Variants in CEP128 observed in about 807,000 individuals in gnomAD.
CEP128 encodes the protein centrosomal protein 128.
Under a neutral mutation model 156.7 loss-of-function variants are expected in CEP128, and 132 were observed. The observed-to-expected ratio is 0.84, with a 90% CI of 0.73 to 0.97. The LOEUF is 0.97. Among genes scored for constraint, CEP128 ranks in the 50% least tolerant of loss-of-function variants. The pLI is 0.00. For synonymous variants in CEP128, 469 were observed against 448.9 expected (o/e 1.04, Z -0.57); for missense variants, 1,252 against 1,281.9 (o/e 0.98, Z 0.36).
At chr14:80,625,837 CTTTT>C (rs1334203492) in intron 19 of CEP128, among the ~76,000 whole-genome samples, 1 of 140,394 alleles carries the variant, frequency 7.1e-6, no homozygotes, top group African/African-American at 2.6e-5. Flanking sequence ...TCCCTTCTTT[CTTTT>C]TTCTCTTTCT....
rs771355760 is a variant in CEP128 at position 80,784,987 on chromosome 14, C to T, written c.2119G>A (p.Val707Met). 6.2e-7 allele frequency: 1 copy of T among 1,614,034 alleles called. No individual in the cohort carries two copies. The highest frequency in any genetic ancestry group is 1.3e-5 in the African/African-American group (1 of 74,926). Reference protein sequence around the residue: ...LKDLTSSLQSVKTKHEQNIQE... With the variant: ...LKDLTSSLQSMKTKHEQNIQE... ...ATATTCTGTTCGTGTTTTGTTTTCA[C>T]ACTCTGCAATGATGATGTGAGATCT... Residue 707 changes from valine to methionine, a missense_variant, in exon 15 of 25, where the codon GTG becomes ATG. Transcript: ENST00000555265.
At chr14:80,754,367 C>T (rs1432238661) in intron 18 of CEP128, among the ~76,000 whole-genome samples, 1 of 151,904 alleles carries the variant, frequency 6.6e-6, no homozygotes, top group Non-Finnish European at 1.5e-5. Flanking sequence ...TCCATGGCAG[C>T]TTCTGCATAC....
intron 9 of CEP128, among the ~76,000 whole-genome samples, chr14:80,851,172 C>A (rs1353385119): frequency 6.6e-6 from 1 of 152,076 alleles, no homozygotes; most frequent in Non-Finnish European, 1.5e-5. Flanking sequence ...GTGTGATAAA[C>A]CCTGTACTAC....
chr14:80,533,068 T>C (rs1889303544), intron 21 of CEP128, among the ~76,000 whole-genome samples: 1 of 152,196 alleles, frequency 6.6e-6, no homozygotes, highest in Non-Finnish European at 1.5e-5. Flanking sequence ...AATTTTTTCA[T>C]GTGTAGGAAA....
chr14:80,826,357 C>G, intron 13 of CEP128, among the ~76,000 whole-genome samples: 1 of 151,972 alleles, frequency 6.6e-6, no homozygotes, highest in Admixed American at 6.6e-5. Flanking sequence ...GCATATTTTA[C>G]AATATGCACT....
At chr14:80,758,577 A>G (rs1387365644) in intron 17 of CEP128, among the ~76,000 whole-genome samples, 1 of 151,994 alleles carries the variant, frequency 6.6e-6, no homozygotes, top group Non-Finnish European at 1.5e-5. Context: ...TGTCTGGGAC[A>G]GAGAACACAA....
chr14:80,855,371 CT>C (rs1887096124), intron 9 of CEP128, among the ~76,000 whole-genome samples: 1 of 152,136 alleles, frequency 6.6e-6, no homozygotes. Context: ...TTGTGTTTGA[CT>C]TTTAAACTTT....
Position 80,857,734 on chromosome 14 carries a change from C to CA in CEP128, c.762+5022dup, listed in dbSNP as rs746111217. Among the ~76,000 whole-genome samples, 521 of 83,118 alleles carry CA rather than the reference C, an allele frequency of 6.3e-3. 6 individuals are homozygous for CA. The highest frequency in any genetic ancestry group is 0.021 in the African/African-American group (432 of 20,644). 54.5% of individuals were successfully genotyped at this position (83,118 alleles called of 152,430 possible). ...CCTGGGCAACAGAGTGACCCCATCT[C>CA]AAAAAAAAACAACAACAACAACAAC... On this transcript the variant is annotated intron_variant, in intron 9 of 24. Coordinates refer to ENST00000555265, the MANE Select transcript of CEP128 (RefSeq NM_152446.5).
At chr14:80,871,076 A>C (rs1034948203) in intron 8 of CEP128, among the ~76,000 whole-genome samples, 3 of 152,092 alleles carry the variant, frequency 2.0e-5, no homozygotes, top group Non-Finnish European at 4.4e-5. Context: ...GGAAGTCAGC[A>C]ATGTAAAATC....
intron 6 of CEP128, among the ~76,000 whole-genome samples, chr14:80,491,286 A>AGAATGAACCTTGGCCAGCAGCAT (rs1303579785): frequency 6.6e-6 from 1 of 152,224 alleles, no homozygotes; most frequent in African/African-American, 2.4e-5. Context: ...GTCAAAGCAC[A>AGAATGAACCTTGGCCAGCAGCAT]GAATGAACCT....
chr14:80,559,683 T>C (rs189244758), intron 20 of CEP128, among the ~76,000 whole-genome samples: 1 of 152,330 alleles, frequency 6.6e-6, no homozygotes, highest in African/African-American at 2.4e-5. Flanking sequence ...AAGCACATAT[T>C]CTAGCTCTTA....
At chr14:80,506,012 A>G (rs1004386164) in intron 23 of CEP128, among the ~76,000 whole-genome samples, 3 of 152,240 alleles carry the variant, frequency 2.0e-5, no homozygotes, top group Admixed American at 2.0e-4. Context: ...AAAACAGGTA[A>G]TAACAGGAAG....
At chr14:80,753,905 C>T (rs1595349544) in intron 18 of CEP128, among the ~76,000 whole-genome samples, 1 of 152,176 alleles carries the variant, frequency 6.6e-6, no homozygotes, top group African/African-American at 2.4e-5. Flanking sequence ...CAAAATTACT[C>T]CAGTCTGTCC....
intron 19 of CEP128, among the ~76,000 whole-genome samples, chr14:80,705,055 T>C (rs937763833): frequency 4.6e-5 from 7 of 152,004 alleles, no homozygotes; most frequent in African/African-American, 1.7e-4. Context: ...TAAAATAAAA[T>C]TATTCTTATA....
intron 18 of CEP128, among the ~76,000 whole-genome samples, chr14:80,756,586 T>C (rs1205336063): frequency 1.3e-5 from 2 of 152,154 alleles, no homozygotes; most frequent in African/African-American, 2.4e-5. Flanking sequence ...GCACAAACAA[T>C]AGAATTAGCT....
chr14:80,530,937 C>G (rs1406951410), intron 21 of CEP128, 51 bp from the exon 22 acceptor site: 2 of 1,192,154 alleles, frequency 1.7e-6, no homozygotes, highest in Non-Finnish European at 2.4e-6. Context: ...TTGATTAATA[C>G]TCTCAGAATC....
intron 6 of CEP128, among the ~76,000 whole-genome samples, chr14:80,904,297 T>C (rs1287767707): frequency 6.6e-6 from 1 of 151,708 alleles, no homozygotes; most frequent in Non-Finnish European, 1.5e-5. Context: ...GTTTAACTCA[T>C]AGAAAGATAG....
At chr14:80,546,554 C>T (rs1779504971) in intron 21 of CEP128, among the ~76,000 whole-genome samples, 1 of 152,172 alleles carries the variant, frequency 6.6e-6, no homozygotes, top group African/African-American at 2.4e-5. Context: ...ATCAGAAGTT[C>T]TTGGAAAAGA....
At chr14:80,876,040 A>G (rs2139286844) in intron 8 of CEP128, among the ~76,000 whole-genome samples, 1 of 152,256 alleles carries the variant, frequency 6.6e-6, no homozygotes, top group Admixed American at 6.5e-5. Context: ...AAGAATTAAA[A>G]CTGACAGAAA....
Sources: allele counts gnomAD v4.1 joint callset (sites outside exome capture counted in the v4.1 genomes callset), GRCh38; gene constraint gnomAD v4.1.1; transcripts MANE v1.5; gene names NCBI Gene and HGNC (gene_info 2026-07-23, HGNC 2026-07-21).